Variants in LAMA2 observed in about 807,000 individuals in gnomAD.
LAMA2 encodes the protein laminin subunit alpha 2.
In LAMA2, 269 loss-of-function variants were observed where a neutral mutation model predicts 364.8. The ratio of observed to expected loss-of-function variants is 0.74; its 90% confidence interval spans 0.67 to 0.82. The LOEUF is 0.82. LAMA2 is among the 40% of genes least tolerant of loss of function. The pLI is 0.00. For missense variants in LAMA2, 3,807 were observed against 3,873.2 expected, an observed-to-expected ratio of 0.98 and a Z score of 0.45; for synonymous variants, 1,379 against 1,370.6, an observed-to-expected ratio of 1.01 and a Z score of -0.14.
At chr6:129,327,965 T>A (rs2114531847) in intron 28 of LAMA2, among the ~76,000 whole-genome samples, 1 of 152,322 alleles carries the variant, frequency 6.6e-6, no homozygotes, top group African/African-American at 2.4e-5. Context: ...TTATTCCATA[T>A]GACAATGTTA....
chr6:129,044,139 T>G (rs1379185077), intron 1 of LAMA2, among the ~76,000 whole-genome samples: 1 of 152,104 alleles, frequency 6.6e-6, no homozygotes, highest in Non-Finnish European at 1.5e-5. Flanking sequence ...TTACCTGTTC[T>G]TAGGTGCACT....
intron 37 of LAMA2, among the ~76,000 whole-genome samples, chr6:129,396,451 T>C (rs1226113623): frequency 2.0e-5 from 3 of 152,106 alleles, no homozygotes; most frequent in Admixed American, 6.5e-5. Context: ...TGTAAGGTGA[T>C]CTTAGGAAGT....
At chr6:129,376,801 C>G (rs990516137) in intron 34 of LAMA2, among the ~76,000 whole-genome samples, 1 of 152,096 alleles carries the variant, frequency 6.6e-6, no homozygotes, top group African/African-American at 2.4e-5. Flanking sequence ...TATCTTATAC[C>G]ACTATTTTTC....
chr6:129,229,899 A>C (rs539021806), intron 12 of LAMA2, among the ~76,000 whole-genome samples: 2 of 152,316 alleles, frequency 1.3e-5, no homozygotes, highest in African/African-American at 4.8e-5. Flanking sequence ...TTAGCTAATT[A>C]TATAAAGTTA....
intron 3 of LAMA2, among the ~76,000 whole-genome samples, chr6:129,091,237 C>G (rs951471772): frequency 6.6e-6 from 1 of 152,128 alleles, no homozygotes; most frequent in Non-Finnish European, 1.5e-5. Flanking sequence ...AATACTGTCC[C>G]TTGAAGAGTT....
chr6:128,912,107 A>G (rs181716385), intron 1 of LAMA2, among the ~76,000 whole-genome samples: 20 of 152,322 alleles, frequency 1.3e-4, no homozygotes, highest in South Asian at 6.2e-4. Flanking sequence ...TATACAAGTC[A>G]TGTACAAGCT....
chr6:129,228,971 A>T (rs1784505886), intron 12 of LAMA2, among the ~76,000 whole-genome samples: 1 of 152,126 alleles, frequency 6.6e-6, no homozygotes, highest in Non-Finnish European at 1.5e-5. Flanking sequence ...TATGTATTGA[A>T]TTTGTGTATT....
At position 129,080,644 on chromosome 6, in the gene LAMA2, G is replaced by T. The variant is rs575732231; in HGVS notation, c.397-17529G>T. Among the ~76,000 whole-genome samples the T allele has an allele frequency of 2.8e-4, 42 of 152,262 alleles. 1 individual carries two copies. The South Asian group carries it at 7.0e-3, about 26-fold the overall frequency. ...GCAGCCAACAGACACATGAAAAAAT[G>T]CTCGTCATCACTGGCCTTCAGAGAA... On this transcript the variant is annotated intron_variant, in intron 3 of 64. Transcript: ENST00000421865.
At chr6:129,360,432 T>C (rs1777396285) in intron 32 of LAMA2, among the ~76,000 whole-genome samples, 1 of 152,146 alleles carries the variant, frequency 6.6e-6, no homozygotes, top group South Asian at 2.1e-4. Flanking sequence ...AACCATTATG[T>C]AAAGGGCACT....
chr6:129,053,222 T>C (rs1788214651), intron 2 of LAMA2, among the ~76,000 whole-genome samples: 1 of 152,128 alleles, frequency 6.6e-6, no homozygotes, highest in Non-Finnish European at 1.5e-5. Flanking sequence ...TGCGCCACCA[T>C]GCCCGGCTAA....
chr6:128,996,819 A>G (rs1320347331), intron 1 of LAMA2, among the ~76,000 whole-genome samples: 2 of 152,234 alleles, frequency 1.3e-5, no homozygotes, highest in South Asian at 4.1e-4. Flanking sequence ...ATAAAGACAC[A>G]TGCACACGTA....
At chr6:129,214,635 C>T (rs932434111) in intron 12 of LAMA2, among the ~76,000 whole-genome samples, 1 of 152,170 alleles carries the variant, frequency 6.6e-6, no homozygotes, top group African/African-American at 2.4e-5. Context: ...TTCCATTGAT[C>T]TAAGTGACTT....
At chr6:129,407,391 T>G (rs1007388128) in intron 40 of LAMA2, among the ~76,000 whole-genome samples, 1 of 152,108 alleles carries the variant, frequency 6.6e-6, no homozygotes, top group African/African-American at 2.4e-5. Flanking sequence ...CCTTGTACAA[T>G]CAGAAGCACA....
chr6:128,943,269 CAGAGAGAGAG>C (rs6149801), intron 1 of LAMA2, among the ~76,000 whole-genome samples: 5,889 of 142,544 alleles, frequency 0.041, 317 homozygotes, highest in African/African-American at 0.12. Flanking sequence ...TATATATACA[CAGAGAGAGAG>C]AGAGAGAGAG....
At chr6:129,311,140 T>C (rs1474670611) in intron 22 of LAMA2, among the ~76,000 whole-genome samples, 7 of 151,766 alleles carry the variant, frequency 4.6e-5, no homozygotes, top group Admixed American at 4.6e-4. Flanking sequence ...TTTTTTTTTT[T>C]AGACAGAGCC....
At chr6:129,380,435 T>C (rs1457273610) in intron 34 of LAMA2, among the ~76,000 whole-genome samples, 1 of 152,162 alleles carries the variant, frequency 6.6e-6, no homozygotes, top group Non-Finnish European at 1.5e-5. Flanking sequence ...ACAGACCAAG[T>C]TCTCACCCCC....
At chr6:128,981,437 T>A (rs1782863659) in intron 1 of LAMA2, among the ~76,000 whole-genome samples, 1 of 152,064 alleles carries the variant, frequency 6.6e-6, no homozygotes, top group Non-Finnish European at 1.5e-5. Flanking sequence ...CATTTGAACC[T>A]GAGACATTAA....
chr6:128,975,441 G>A (rs1782468041), intron 1 of LAMA2, among the ~76,000 whole-genome samples: 1 of 152,136 alleles, frequency 6.6e-6, no homozygotes, highest in Non-Finnish European at 1.5e-5. Context: ...AAATGAGAAA[G>A]TATATGACCT....
intron 4 of LAMA2, among the ~76,000 whole-genome samples, chr6:129,127,989 G>A (rs1438622825): frequency 6.6e-6 from 1 of 152,014 alleles, no homozygotes; most frequent in Non-Finnish European, 1.5e-5. Flanking sequence ...TTGTGCAGAA[G>A]CTTTTTAGTT....
Sources: gnomAD v4.1 joint callset for allele counts (sites outside exome capture counted in the v4.1 genomes callset) on GRCh38, gnomAD v4.1.1 for gene constraint, MANE v1.5 for transcripts, NCBI Gene and HGNC (gene_info 2026-07-23, HGNC 2026-07-21) for gene names.